MAPK8: variants seen among roughly 807,000 people sequenced by gnomAD.
MAPK8 encodes the protein mitogen-activated protein kinase 8.
MAPK8 carries 13 observed loss-of-function variants against 52.9 expected under a neutral mutation model. The ratio of observed to expected loss-of-function variants is 0.25; its 90% confidence interval spans 0.16 to 0.39. The LOEUF (loss-of-function observed/expected upper bound fraction) is 0.39, where lower values mean the gene tolerates loss of function less well. Among genes scored for constraint, MAPK8 ranks in the 10% least tolerant of loss-of-function variants. MAPK8 has a pLI of 1.00. For missense variants in MAPK8, 300 were observed against 519.2 expected, an observed-to-expected ratio of 0.58 and a Z score of 4.10; for synonymous variants, 191 against 169.8, an observed-to-expected ratio of 1.12 and a Z score of -0.97.
intron 1 of MAPK8, among the ~76,000 whole-genome samples, chr10:48,341,550 A>G (rs1726935762): frequency 6.6e-6 from 1 of 152,222 alleles, no homozygotes; most frequent in Admixed American, 6.5e-5. Flanking sequence ...GATAAAAGAT[A>G]CTCAAGCTAT....
chr10:48,396,346 T>C (rs982439781), intron 1 of MAPK8, among the ~76,000 whole-genome samples: 1 of 152,172 alleles, frequency 6.6e-6, no homozygotes, highest in Non-Finnish European at 1.5e-5. Flanking sequence ...CATGAAAAGA[T>C]GCTCAACATG....
chr10:48,405,015 T>C, intron 3 of MAPK8, 34 bp downstream of exon 3: 1 of 1,475,942 alleles, frequency 6.8e-7, no homozygotes, highest in Non-Finnish European at 9.3e-7. Context: ...TAAGTATAGA[T>C]GAAATCAAGA....
In MAPK8 at chr10:48,413,852, T is replaced by C. The variant is rs1335951385; in HGVS notation, c.450+3684T>C. Among the ~76,000 whole-genome samples the C allele has an allele frequency of 4.9e-5, 6 of 122,480 alleles. No homozygotes were observed. In the South Asian group the frequency reaches 8.2e-4, roughly 17 times the overall value. 80.4% of individuals were successfully genotyped at this position (122,480 alleles called of 152,430 possible). A position where few individuals can be genotyped will look rare whatever the true frequency, so the allele number is the denominator to read the frequency against. Reference sequence around the variant, plus strand: ...ATATATATATATATATATATATATATATATATATTCAGAAATATTTTATAT... The same window carrying C: ...ATATATATATATATATATATATATACATATATATTCAGAAATATTTTATAT... On this transcript the variant is annotated intron_variant, in intron 5 of 11. Transcript: ENST00000374189.
intron 6 of MAPK8, among the ~76,000 whole-genome samples, chr10:48,423,177 A>G (rs936011405): frequency 2.0e-5 from 3 of 152,194 alleles, no homozygotes; most frequent in Non-Finnish European, 4.4e-5. Flanking sequence ...TAGTAAGTGG[A>G]GATTCCAAAT....
rs2042170101 is a variant in MAPK8 at position 48,401,733 on chromosome 10, C to T, written c.73C>T (p.Arg25Ter). 1.3e-6 allele frequency: 2 copies of T among 1,579,092 alleles called. No individual in the cohort carries two copies. Among genetic ancestry groups the T allele is most frequent in the African/African-American group, 2.8e-5 (2 of 71,786 alleles). ...IGDSTFTVLKRYQNLKPIGSG... is the reference protein window; with the variant it reads ...IGDSTFTVLK Reference sequence around the variant, plus strand: ...AGATTCTACATTCACAGTCCTGAAACGATATCAGAATTTAAAACCTATAGG... The same window carrying T: ...AGATTCTACATTCACAGTCCTGAAATGATATCAGAATTTAAAACCTATAGG... The change falls in exon 2 of 12, where the codon CGA (arginine) becomes TGA (stop). Residue 25 changes from arginine to a stop codon, truncating the protein, a stop_gained. Coordinates refer to ENST00000374189, the MANE Select transcript of MAPK8 (RefSeq NM_001323329.2). LOFTEE classifies it high-confidence loss of function.
At chr10:48,422,133 A>T (rs922582092) in intron 6 of MAPK8, among the ~76,000 whole-genome samples, 1 of 151,900 alleles carries the variant, frequency 6.6e-6, no homozygotes, top group African/African-American at 2.4e-5. Context: ...CCTGGCTTCA[A>T]GCCATTCTCC....
intron 6 of MAPK8, among the ~76,000 whole-genome samples, chr10:48,422,028 T>C (rs2043395892): frequency 6.6e-6 from 1 of 150,830 alleles, no homozygotes; most frequent in Non-Finnish European, 1.5e-5. Flanking sequence ...TTTATTTATT[T>C]ATTTATTTAT....
intron 1 of MAPK8, among the ~76,000 whole-genome samples, chr10:48,344,934 C>CT (rs1195580723): frequency 6.6e-6 from 1 of 151,918 alleles, no homozygotes; most frequent in Non-Finnish European, 1.5e-5. Flanking sequence ...TAAACAAAAT[C>CT]TAAGTAGATG....
At chr10:48,330,759 A>C (rs1157758698) in intron 1 of MAPK8, among the ~76,000 whole-genome samples, 2 of 152,152 alleles carry the variant, frequency 1.3e-5, no homozygotes, top group African/African-American at 4.8e-5. Context: ...ACGTTGCCTA[A>C]GTTTCATTAT....
At chr10:48,391,572 C>T (rs868031099) in intron 1 of MAPK8, among the ~76,000 whole-genome samples, 1 of 152,206 alleles carries the variant, frequency 6.6e-6, no homozygotes, top group Non-Finnish European at 1.5e-5. Context: ...ACACAACAAT[C>T]ACAGAAGACT....
rs1363175231 is a variant in MAPK8 at position 48,306,702 on chromosome 10, G to C, written c.-169G>C. ...GTTACTCAGCCGAGCGGCCGAGGCC[G>C]GACGACGCGGCTTGGATTGCGGAGC... On this transcript the variant is annotated 5_prime_UTR_variant, in exon 1 of 12. Transcript: ENST00000374189. The C allele has an allele frequency of 2.0e-5, 3 of 150,708 alleles. No individual in the cohort carries two copies. Among genetic ancestry groups the C allele is most frequent in the Non-Finnish European group, 4.5e-5 (3 of 67,408 alleles). 9.3% of individuals were successfully genotyped at this position (150,708 alleles called of 1,614,324 possible). A position where few individuals can be genotyped will look rare whatever the true frequency, so the allele number is the denominator to read the frequency against.
At position 48,435,052 on chromosome 10, in the gene MAPK8, GGA is replaced by G; in HGVS notation, c.*25_*26del. On this transcript the variant is annotated 3_prime_UTR_variant, in exon 12 of 12. Coordinates refer to ENST00000374189, the MANE Select transcript of MAPK8 (RefSeq NM_001323329.2). ...TGACTACTTGGGCCATCGGGGGGTG[GGA>G]GGGATGGGGAGTCGGTTAGTCATTG... The G allele has an allele frequency of 1.6e-5, 22 of 1,412,372 alleles. No individual in the cohort carries two copies. Among genetic ancestry groups the G allele is most frequent in the Non-Finnish European group, 2.0e-5 (21 of 1,035,624 alleles). 87.5% of individuals were successfully genotyped at this position (1,412,372 alleles called of 1,614,324 possible).
intron 5 of MAPK8, among the ~76,000 whole-genome samples, chr10:48,418,435 G>C (rs1053608963): frequency 4.0e-5 from 6 of 149,396 alleles, no homozygotes; most frequent in African/African-American, 9.9e-5. Flanking sequence ...ATCATGGTGG[G>C]TTTGTGGACT....
intron 5 of MAPK8, among the ~76,000 whole-genome samples, chr10:48,417,495 T>A (rs775372289): frequency 5.9e-5 from 9 of 152,178 alleles, no homozygotes; most frequent in Non-Finnish European, 1.0e-4. Context: ...ATATTTATTG[T>A]TTACTTGGGT....
Position 48,380,143 on chromosome 10 carries a change from G to A in MAPK8, c.-49-21469G>A, listed in dbSNP as rs182632439. ...TGTAATCCCAGCTACCCGGGAGGCT[G>A]AGGCAGGAGAATCACTTGAACCTGG... On this transcript the variant is annotated intron_variant, in intron 1 of 11. Coordinates refer to ENST00000374189, the MANE Select transcript of MAPK8 (RefSeq NM_001323329.2). 1.8e-3 allele frequency among the ~76,000 whole-genome samples: 281 copies of A among 152,222 alleles called. 1 individual carries two copies. The highest frequency in any genetic ancestry group is 6.3e-3 in the African/African-American group (263 of 41,548).
intron 1 of MAPK8, among the ~76,000 whole-genome samples, chr10:48,392,476 A>G (rs1036051652): frequency 6.6e-6 from 1 of 151,942 alleles, no homozygotes; most frequent in African/African-American, 2.4e-5. Flanking sequence ...TATGTAATAG[A>G]TATATAATAT....
chr10:48,401,400 AATGTTTCTTTTTTAAAAAAAACT>A (rs2042150913), intron 1 of MAPK8, among the ~76,000 whole-genome samples, 189 bp from the exon 2 acceptor site: 1 of 152,082 alleles, frequency 6.6e-6, no homozygotes, highest in Admixed American at 6.6e-5. Flanking sequence ...GATTTATCCT[AATGTTTCTTTTTTAAAAAAAACT>A]ATCAGTCATT....
chr10:48,350,516 A>C (rs775310211), intron 1 of MAPK8, among the ~76,000 whole-genome samples: 38 of 152,190 alleles, frequency 2.5e-4, no homozygotes, highest in Admixed American at 7.9e-4. Context: ...AATGACAAAA[A>C]CCACATGATT....
At chr10:48,367,229 G>T (rs549262083) in intron 1 of MAPK8, among the ~76,000 whole-genome samples, 3 of 152,056 alleles carry the variant, frequency 2.0e-5, no homozygotes, top group Admixed American at 2.0e-4. Flanking sequence ...AAGCAAGCTT[G>T]GTGGTACACG....
Sources: gnomAD v4.1 joint callset for allele counts (sites outside exome capture counted in the v4.1 genomes callset) on GRCh38, gnomAD v4.1.1 for gene constraint, MANE v1.5 for transcripts, NCBI Gene and HGNC (gene_info 2026-07-23, HGNC 2026-07-21) for gene names.